HPX: variants seen among roughly 807,000 people sequenced by gnomAD.
The protein encoded by HPX is beta-1B-glycoprotein.
In HPX, 42 loss-of-function variants were observed where a neutral mutation model predicts 53.8. The observed-to-expected ratio is 0.78, with a 90% CI of 0.61 to 1.01. The LOEUF (loss-of-function observed/expected upper bound fraction) is 1.01. Among genes scored for constraint, HPX ranks in the 50% least tolerant of loss-of-function variants. The probability of loss-of-function intolerance (pLI) is 0.00; values close to 1 mark genes in which losing one functional copy is unlikely to be tolerated. For synonymous variants in HPX, 229 were observed against 221.1 expected (o/e 1.04, Z -0.32); for missense variants, 547 against 594.3 (o/e 0.92, Z 0.83).
intron 7 of HPX, 109 bp downstream of exon 7, chr11:6,436,937 G>A (rs1849424345): frequency 1.6e-6 from 2 of 1,237,176 alleles, no homozygotes; most frequent in Non-Finnish European, 2.3e-6. Context: ...GGGGACAGAG[G>A]GGACAAAATA....
rs149960495 is a variant in HPX, at chr11:6,431,224, C to A, written c.1376G>T (p.Gly459Val). ...TCAGAAGGCCCCTCAGTGAGTGCAGCCCAGGAGACTGGTCACATTCTGGGG... is the reference window on the plus strand; with the variant it reads ...TCAGAAGGCCCCTCAGTGAGTGCAGACCAGGAGACTGGTCACATTCTGGGG... ...PQPQNVTSLL[G>V]CTH Residue 459 changes from glycine to valine, a missense_variant, in exon 10 of 10, where the codon GGC (glycine) becomes GTC (valine). Transcript: ENST00000265983. 1.2e-6 allele frequency: 2 copies of A among 1,614,200 alleles called. No individual in the cohort carries two copies. Among genetic ancestry groups the A allele is most frequent in the African/African-American group, 1.3e-5 (1 of 75,044 alleles).
chr11:6,433,255 C>T (rs1404820796), intron 7 of HPX, among the ~76,000 whole-genome samples: 1 of 152,224 alleles, frequency 6.6e-6, no homozygotes, highest in African/African-American at 2.4e-5. Flanking sequence ...CGGCTCACTG[C>T]AACATTCACC....
intron 7 of HPX, 147 bp downstream of exon 7, chr11:6,436,899 A>C: frequency 1.2e-6 from 1 of 835,534 alleles, no homozygotes; most frequent in Non-Finnish European, 1.9e-6. Flanking sequence ...CTCAGAGATG[A>C]GGGATGCAGA....
intron 4 of HPX, chr11:6,439,827 G>C (rs1350374895): frequency 5.5e-6 from 2 of 360,570 alleles, no homozygotes; most frequent in Non-Finnish European, 1.1e-5. Flanking sequence ...ATTGTGTTGG[G>C]AACAACTTGC....
chr11:6,433,050 C>A (rs1403507331), intron 7 of HPX, among the ~76,000 whole-genome samples: 1 of 152,210 alleles, frequency 6.6e-6, no homozygotes, highest in Non-Finnish European at 1.5e-5. Flanking sequence ...CCCCCACCAA[C>A]ACACACACTC....
At position 6,440,658 on chromosome 11, in the gene HPX, AGTCAGG is replaced by A. The variant is rs1564956705; in HGVS notation, c.142+8_142+13del. ...CCAGACAGATAAGACAGACTTAGGG[AGTCAGG>A]GCCTCACCAGTCACGTCTGGGTCTG... On this transcript the variant is annotated splice_region_variant and intron_variant, in intron 2 of 9. Transcript: ENST00000265983. The A allele has an allele frequency of 1.2e-6, 2 of 1,607,902 alleles. No individual in the cohort carries two copies. The highest frequency in any genetic ancestry group is 3.4e-5 in the Admixed American group (2 of 59,538).
chr11:6,431,813 A>C lies in HPX; in HGVS notation c.967-10T>G. On this transcript the variant is annotated splice_polypyrimidine_tract_variant and intron_variant, in intron 8 of 9. Coordinates refer to ENST00000265983, the MANE Select transcript of HPX (RefSeq NM_000613.3). ...CATATACCTGGGTGCCCTGGAGGAC[A>C]AAGGATGGTAATAAATACAGAGTTG... is the stretch of plus-strand genomic sequence containing the variant. The C allele has an allele frequency of 6.2e-7, 1 of 1,614,020 alleles. No homozygotes were observed. Among genetic ancestry groups the C allele is most frequent in the South Asian group, 1.1e-5 (1 of 91,076 alleles).
intron 7 of HPX, among the ~76,000 whole-genome samples, chr11:6,434,044 T>C (rs1478025083): frequency 2.0e-5 from 3 of 152,238 alleles, no homozygotes; most frequent in Non-Finnish European, 2.9e-5. Flanking sequence ...AAAATTATTC[T>C]CTTTCTTCCT....
Position 6,440,950 on chromosome 11 carries a change from A to C in HPX, c.14T>G (p.Leu5Arg). Residue 5 changes from leucine to arginine, a missense_variant, in exon 1 of 10, where the codon CTG becomes CGG. Leu to Arg is a moderately radical substitution (Grantham distance 102). Transcript: ENST00000265983. Reference protein sequence around the residue: MARVLGAPVALGLWS... With the variant: MARVRGAPVALGLWS... Reference sequence around the variant, plus strand: ...CAACCCCAGTGCAACGGGTGCTCCCAGTACCCTAGCCATGCTGAGCTGCAG... The same window carrying C: ...CAACCCCAGTGCAACGGGTGCTCCCCGTACCCTAGCCATGCTGAGCTGCAG... 6.2e-7 allele frequency: 1 copy of C among 1,606,424 alleles called. No individual in the cohort carries two copies. Among genetic ancestry groups the C allele is most frequent in the Non-Finnish European group, 8.5e-7 (1 of 1,176,100 alleles).
In HPX at chr11:6,431,188, C is replaced by T. The variant is rs1849342076; in HGVS notation, c.*23G>A. 1 of 1,613,470 alleles carries T rather than the reference C, an allele frequency of 6.2e-7. No homozygotes were observed. Among genetic ancestry groups the T allele is most frequent in the South Asian group, 1.1e-5 (1 of 91,060 alleles). On this transcript the variant is annotated 3_prime_UTR_variant, in exon 10 of 10. Coordinates refer to ENST00000265983, the MANE Select transcript of HPX (RefSeq NM_000613.3). The stretch of plus-strand genomic sequence containing the variant: ...TGAGGAACTAGGAGGTGGGGCCAGG[C>T]CAGACTCATGTCAGAAGGCCCCTCA...
chr11:6,439,835 T>C, intron 4 of HPX: 1 of 364,724 alleles, frequency 2.7e-6, no homozygotes, highest in Non-Finnish European at 5.3e-6. Flanking sequence ...GGGAACAACT[T>C]GCCTTGCCCT....
intron 4 of HPX, 86 bp from the exon 5 acceptor site, chr11:6,438,595 T>G (rs1849447357): frequency 8.1e-7 from 1 of 1,229,074 alleles, no homozygotes; most frequent in Admixed American, 1.8e-5. Context: ...CTACTGTGCT[T>G]ATACGATATC....
intron 6 of HPX, 130 bp downstream of exon 6, chr11:6,437,310 G>A: frequency 1.5e-6 from 2 of 1,373,650 alleles, no homozygotes. Context: ...ATCCAGAATG[G>A]AAATGGGGCT....
At chr11:6,436,258 A>G (rs1383956018) in intron 7 of HPX, among the ~76,000 whole-genome samples, 1 of 152,226 alleles carries the variant, frequency 6.6e-6, no homozygotes, top group African/African-American at 2.4e-5. Flanking sequence ...TGTGAAAAAA[A>G]TATTTTCACG....
At position 6,440,977 on chromosome 11, in the gene HPX, G is replaced by A. The variant is rs1437953169; in HGVS notation, c.-14C>T. On this transcript the variant is annotated 5_prime_UTR_variant, in exon 1 of 10. Transcript: ENST00000265983. ...TACCCTAGCCATGCTGAGCTGCAGAGGCCACAGGACAGCTCTGGGTGACCA... is the reference window on the plus strand; with the variant it reads ...TACCCTAGCCATGCTGAGCTGCAGAAGCCACAGGACAGCTCTGGGTGACCA... 1 of 1,590,780 alleles carries A rather than the reference G, an allele frequency of 6.3e-7. No individual in the cohort carries two copies. Among genetic ancestry groups the A allele is most frequent in the African/African-American group, 1.3e-5 (1 of 74,376 alleles).
chr11:6,438,796 C>A (rs10500671), intron 4 of HPX, among the ~76,000 whole-genome samples: 39,050 of 152,182 alleles, frequency 0.26, 5,443 homozygotes, highest in African/African-American at 0.35. Context: ...ATATCCACAA[C>A]TGTTCATCCT....
intron 4 of HPX, among the ~76,000 whole-genome samples, chr11:6,439,130 G>A (rs775754642): frequency 2.6e-5 from 4 of 152,206 alleles, no homozygotes; most frequent in Non-Finnish European, 4.4e-5. Flanking sequence ...AAAATCAGCA[G>A]GAATTTTCCA....
At position 6,440,109 on chromosome 11, in the gene HPX, C is replaced by G. The variant is rs1250486531; in HGVS notation, c.336+56G>C. On this transcript the variant is annotated intron_variant, in intron 4 of 9. Coordinates refer to ENST00000265983, the MANE Select transcript of HPX (RefSeq NM_000613.3). Reference sequence around the variant, plus strand: ...TGCCAAGGCCATTTGGGGGAAGGGTCCCCAGTGTCGATTCCAGCCCTTTCC... The same window carrying G: ...TGCCAAGGCCATTTGGGGGAAGGGTGCCCAGTGTCGATTCCAGCCCTTTCC... The G allele has an allele frequency of 1.9e-6, 3 of 1,611,270 alleles. No individual in the cohort carries two copies. The Admixed American group carries it at 5.0e-5, about 27-fold the overall frequency.
chr11:6,434,311 G>A (rs1286628962), intron 7 of HPX, among the ~76,000 whole-genome samples: 1 of 152,086 alleles, frequency 6.6e-6, no homozygotes, highest in Non-Finnish European at 1.5e-5. Flanking sequence ...ACCCTGCTCA[G>A]GAACCATATT....
Sources: gnomAD v4.1 joint callset for allele counts (sites outside exome capture counted in the v4.1 genomes callset) on GRCh38, gnomAD v4.1.1 for gene constraint, MANE v1.5 for transcripts, NCBI Gene and HGNC (gene_info 2026-07-23, HGNC 2026-07-21) for gene names.